The following NLGN1 variants were observed in gnomAD, a reference collection of about 807,000 sequenced individuals.
NLGN1 encodes the protein neuroligin 1.
Under a neutral mutation model 65.5 loss-of-function variants are expected in NLGN1, and 12 were observed. That is an observed-to-expected ratio of 0.18 (90% CI 0.12 to 0.30). The LOEUF is 0.30. Among genes scored for constraint, NLGN1 ranks in the 10% least tolerant of loss-of-function variants. The pLI is 1.00. For missense variants in NLGN1, 750 were observed against 1,007.1 expected, an observed-to-expected ratio of 0.74 and a Z score of 3.46; for synonymous variants, 350 against 359.5, an observed-to-expected ratio of 0.97 and a Z score of 0.30.
chr3:174,264,444 C>T (rs369487689), intron 4 of NLGN1, among the ~76,000 whole-genome samples: 18,717 of 142,476 alleles, frequency 0.13, 1,458 homozygotes, highest in East Asian at 0.44. Context: ...CATCTTCCAT[C>T]GCTGATACCC....
chr3:173,578,680 A>G (rs1745926184), intron 2 of NLGN1, among the ~76,000 whole-genome samples: 1 of 152,232 alleles, frequency 6.6e-6, no homozygotes, highest in Non-Finnish European at 1.5e-5. Context: ...CTTAAGAAAC[A>G]TCTAAGATAA....
intron 4 of NLGN1, among the ~76,000 whole-genome samples, chr3:173,852,082 C>T (rs1205098249): frequency 2.6e-5 from 4 of 151,710 alleles, no homozygotes; most frequent in South Asian, 2.1e-4. Flanking sequence ...AAGTGGTTGG[C>T]GCGGTGGCTC....
At chr3:174,255,403 T>C (rs1399461646) in intron 4 of NLGN1, among the ~76,000 whole-genome samples, 2 of 122,434 alleles carry the variant, frequency 1.6e-5, no homozygotes, top group Admixed American at 2.1e-4. Flanking sequence ...GCCACTGCAC[T>C]CCAGCCTAGG....
intron 3 of NLGN1, among the ~76,000 whole-genome samples, chr3:173,627,360 A>G (rs1402099112): frequency 6.6e-6 from 1 of 152,048 alleles, no homozygotes; most frequent in Non-Finnish European, 1.5e-5. Flanking sequence ...AGGTTCATGT[A>G]TGTTGTTGGA....
intron 3 of NLGN1, among the ~76,000 whole-genome samples, chr3:173,703,264 A>G (rs1767532837): frequency 6.6e-6 from 1 of 152,138 alleles, no homozygotes; most frequent in Non-Finnish European, 1.5e-5. Context: ...TTTTCTACTT[A>G]AAAGAGGCAT....
intron 2 of NLGN1, among the ~76,000 whole-genome samples, chr3:173,584,399 ATTTTTTTTTTTTTTTTTTTT>A (rs66827074): frequency 6.5e-5 from 2 of 30,820 alleles, no homozygotes; most frequent in South Asian, 4.3e-3. Flanking sequence ...GGTCCTCGGC[ATTTTTTTTTTTTTTTTTTTT>A]TTTTTTTTTT....
chr3:174,061,888 C>G (rs541741842), intron 4 of NLGN1, among the ~76,000 whole-genome samples: 1 of 152,208 alleles, frequency 6.6e-6, no homozygotes, highest in Non-Finnish European at 1.5e-5. Context: ...GCATGTCTCA[C>G]AAGCTTACAT....
At chr3:173,774,848 G>T (rs1780070050) in intron 3 of NLGN1, among the ~76,000 whole-genome samples, 1 of 151,874 alleles carries the variant, frequency 6.6e-6, no homozygotes, top group Non-Finnish European at 1.5e-5. Context: ...GCACATTCTA[G>T]ATATGGCTTG....
intron 4 of NLGN1, among the ~76,000 whole-genome samples, chr3:173,899,855 C>A (rs1444545240): frequency 6.6e-6 from 1 of 152,038 alleles, no homozygotes; most frequent in East Asian, 1.9e-4. Context: ...AATTCCTTTT[C>A]TTTAACTTGA....
intron 4 of NLGN1, among the ~76,000 whole-genome samples, chr3:174,219,887 G>A (rs1228061655): frequency 2.6e-5 from 4 of 152,176 alleles, no homozygotes; most frequent in Admixed American, 6.5e-5. Flanking sequence ...ATTGCGGGCT[G>A]CAGTTCAGTT....
At chr3:173,404,283 C>A (rs1003508349) in intron 1 of NLGN1, among the ~76,000 whole-genome samples, 3 of 152,058 alleles carry the variant, frequency 2.0e-5, no homozygotes, top group African/African-American at 7.2e-5. Context: ...GGGTTGATAT[C>A]TCTCTCTGTT....
At chr3:174,026,099 A>G (rs964383119) in intron 4 of NLGN1, among the ~76,000 whole-genome samples, 5 of 152,158 alleles carry the variant, frequency 3.3e-5, no homozygotes, top group African/African-American at 4.8e-5. Flanking sequence ...AATTTAAAAA[A>G]TTAATGTAGA....
intron 4 of NLGN1, among the ~76,000 whole-genome samples, chr3:174,199,536 A>T (rs142328249): frequency 2.0e-5 from 3 of 151,882 alleles, no homozygotes; most frequent in Non-Finnish European, 4.4e-5. Context: ...CTCACAATCT[A>T]TGAGGGTCCT....
At chr3:174,194,462 A>C (rs932984027) in intron 4 of NLGN1, among the ~76,000 whole-genome samples, 7 of 151,900 alleles carry the variant, frequency 4.6e-5, no homozygotes, top group Non-Finnish European at 1.5e-5. Context: ...AAAAAAAAGA[A>C]AAAGAAAAAA....
chr3:174,184,416 C>A (rs948444945), intron 4 of NLGN1, among the ~76,000 whole-genome samples: 6 of 152,078 alleles, frequency 3.9e-5, no homozygotes, highest in Non-Finnish European at 7.4e-5. Flanking sequence ...TACATCAAAT[C>A]ATTCTTCTAA....
At chr3:173,626,636 G>A (rs963583462) in intron 3 of NLGN1, among the ~76,000 whole-genome samples, 4 of 151,916 alleles carry the variant, frequency 2.6e-5, no homozygotes, top group Non-Finnish European at 5.9e-5. Context: ...TTTGTTTCTG[G>A]AACTAGTGTT....
intron 4 of NLGN1, among the ~76,000 whole-genome samples, chr3:174,271,312 T>TAAC (rs1749358072): frequency 7.1e-6 from 1 of 141,184 alleles, no homozygotes; most frequent in Non-Finnish European, 1.5e-5. Context: ...TTTTTTTTTT[T>TAAC]AACATTCTAA....
intron 2 of NLGN1, among the ~76,000 whole-genome samples, chr3:173,469,037 A>G (rs1347591868): frequency 6.6e-6 from 1 of 152,070 alleles, no homozygotes; most frequent in Admixed American, 6.6e-5. Context: ...TTCTGTCTCC[A>G]TCAGAAGTTT....
At chr3:173,466,876 T>TA (rs1377884132) in intron 2 of NLGN1, among the ~76,000 whole-genome samples, 2 of 152,152 alleles carry the variant, frequency 1.3e-5, no homozygotes, top group Non-Finnish European at 2.9e-5. Flanking sequence ...TAATAAAACT[T>TA]ACAGATTCAA....
Sources: allele counts gnomAD v4.1 joint callset (sites outside exome capture counted in the v4.1 genomes callset), GRCh38; gene constraint gnomAD v4.1.1; transcripts MANE v1.5; gene names NCBI Gene and HGNC (gene_info 2026-07-23, HGNC 2026-07-21).